The following ROBO2 variants were observed in gnomAD, a reference collection of about 807,000 sequenced individuals.
ROBO2 encodes roundabout homolog 2.
A neutral mutation model predicts 160.8 loss-of-function variants in ROBO2; 53 were observed. The observed-to-expected ratio is 0.33, with a 90% confidence interval of 0.26 to 0.41. The LOEUF (loss-of-function observed/expected upper bound fraction) is 0.41, where lower values mean the gene tolerates loss of function less well. ROBO2 is among the 10% of genes least tolerant of loss of function. ROBO2 has a pLI of 1.00. For missense variants in ROBO2, 1,577 were observed against 1,722.4 expected, an observed-to-expected ratio of 0.92 and a Z score of 1.49; for synonymous variants, 664 against 611.7, an observed-to-expected ratio of 1.09 and a Z score of -1.26.
intron 2 of ROBO2, chr3:76,434,607 G>T: frequency 6.5e-7 from 1 of 1,542,798 alleles, no homozygotes; most frequent in Non-Finnish European, 9.0e-7. Flanking sequence ...CATACCACTG[G>T]ACTGCCTGGA....
chr3:77,380,536 G>T (rs1254526182), intron 2 of ROBO2, among the ~76,000 whole-genome samples: 1 of 152,058 alleles, frequency 6.6e-6, no homozygotes, highest in Middle Eastern at 3.2e-3. Context: ...ATTAAAAGAC[G>T]GGATTTTTTT....
At chr3:76,250,384 G>A (rs1473297601) in intron 2 of ROBO2, among the ~76,000 whole-genome samples, 3 of 152,062 alleles carry the variant, frequency 2.0e-5, no homozygotes, top group African/African-American at 7.2e-5. Flanking sequence ...AATCAGATCT[G>A]TATCAACGAC....
At chr3:77,133,956 A>C (rs1316843370) in intron 2 of ROBO2, among the ~76,000 whole-genome samples, 1 of 152,190 alleles carries the variant, frequency 6.6e-6, no homozygotes, top group Non-Finnish European at 1.5e-5. Context: ...TATTTCCCAA[A>C]ATTGTATCAT....
At chr3:76,501,218 A>C (rs539082258) in intron 2 of ROBO2, among the ~76,000 whole-genome samples, 1 of 152,296 alleles carries the variant, frequency 6.6e-6, no homozygotes, top group African/African-American at 2.4e-5. Context: ...GTTCTTTCAA[A>C]GTTTGAAATA....
At chr3:77,530,330 A>G (rs1004120470) in intron 6 of ROBO2, among the ~76,000 whole-genome samples, 10 of 151,962 alleles carry the variant, frequency 6.6e-5, no homozygotes, top group African/African-American at 2.4e-4. Flanking sequence ...CCCTCACTAC[A>G]TTACTCACTG....
chr3:77,258,389 C>T (rs1047929280), intron 2 of ROBO2, among the ~76,000 whole-genome samples: 1 of 151,944 alleles, frequency 6.6e-6, no homozygotes, highest in Non-Finnish European at 1.5e-5. Flanking sequence ...TTGTATATTC[C>T]TCCCCAATAT....
At chr3:76,064,436 A>G (rs2068177953) in intron 2 of ROBO2, among the ~76,000 whole-genome samples, 1 of 152,094 alleles carries the variant, frequency 6.6e-6, no homozygotes, top group Admixed American at 6.6e-5. Flanking sequence ...GAACTAGCAT[A>G]ACCCTCATCC....
chr3:76,937,962 T>C (rs1468842396), intron 2 of ROBO2, among the ~76,000 whole-genome samples: 1 of 152,134 alleles, frequency 6.6e-6, no homozygotes, highest in Non-Finnish European at 1.5e-5. Context: ...AGGATTCAAG[T>C]AAAACACCAG....
At chr3:77,491,969 A>G (rs943594295) in intron 4 of ROBO2, among the ~76,000 whole-genome samples, 1 of 152,214 alleles carries the variant, frequency 6.6e-6, no homozygotes, top group Non-Finnish European at 1.5e-5. Context: ...GATTTAGTCA[A>G]TAAAATCAAA....
chr3:75,966,521 G>T (rs1292921341), intron 2 of ROBO2, among the ~76,000 whole-genome samples: 5 of 151,764 alleles, frequency 3.3e-5, no homozygotes, highest in Admixed American at 3.3e-4. Flanking sequence ...ATAAAATACA[G>T]ACTGTGGTGC....
chr3:77,553,889 TCAAG>T (rs1315176733), intron 8 of ROBO2, among the ~76,000 whole-genome samples: 5 of 29,640 alleles, frequency 1.7e-4, no homozygotes, highest in African/African-American at 7.0e-4. Flanking sequence ...GGAAGCTTTA[TCAAG>T]TTATTCAAGT....
chr3:77,085,336 T>G (rs2069168524), intron 1 of ROBO2, among the ~76,000 whole-genome samples: 1 of 152,166 alleles, frequency 6.6e-6, no homozygotes, highest in African/African-American at 2.4e-5. Context: ...TTCTATAATT[T>G]TGTAAACAGA....
intron 2 of ROBO2, among the ~76,000 whole-genome samples, chr3:76,494,929 G>A (rs1035912992): frequency 1.3e-5 from 2 of 152,140 alleles, no homozygotes; most frequent in African/African-American, 2.4e-5. Flanking sequence ...ATGGGTACAG[G>A]GTTTTCTTTT....
Position 77,237,183 on chromosome 3 carries a change from C to CTTT in ROBO2, c.388+138859_388+138861dup, listed in dbSNP as rs34992972. Among the ~76,000 whole-genome samples the CTTT allele has an allele frequency of 3.4e-3, 367 of 107,060 alleles. 1 individual carries two copies. The highest frequency in any genetic ancestry group is 7.2e-3 in the Middle Eastern group (1 of 138). 70.2% of individuals were successfully genotyped at this position (107,060 alleles called of 152,430 possible). A position where few individuals can be genotyped will look rare whatever the true frequency, so the allele number is the denominator to read the frequency against. The stretch of plus-strand genomic sequence containing the variant: ...CATCATGCCTGGCCACTTGACCTTT[C>CTTT]TTTTTTTTTTTTTTTTTTCATTTTT... On this transcript the variant is annotated intron_variant, in intron 2 of 25. Coordinates refer to ENST00000461745, the Ensembl canonical transcript of ROBO2.
chr3:76,917,478 C>T (rs529738995), intron 2 of ROBO2, among the ~76,000 whole-genome samples: 3 of 152,256 alleles, frequency 2.0e-5, no homozygotes, highest in African/African-American at 7.2e-5. Context: ...GAAAACTATT[C>T]AGTGGAATCA....
chr3:76,960,460 T>C (rs1436415865), intron 2 of ROBO2, among the ~76,000 whole-genome samples: 1 of 150,778 alleles, frequency 6.6e-6, no homozygotes, highest in East Asian at 1.9e-4. Context: ...TATATATATA[T>C]AGCATGTAAA....
At chr3:76,489,084 C>CAAAAAAAAAA (rs67454494) in intron 2 of ROBO2, among the ~76,000 whole-genome samples, 1 of 60,134 alleles carries the variant, frequency 1.7e-5, no homozygotes, top group Non-Finnish European at 3.2e-5. Context: ...GACTCTGTCT[C>CAAAAAAAAAA]AAAAAAAAAA....
intron 4 of ROBO2, among the ~76,000 whole-genome samples, chr3:77,488,981 T>C (rs990166541): frequency 2.0e-5 from 3 of 152,194 alleles, no homozygotes; most frequent in African/African-American, 7.2e-5. Flanking sequence ...TGGGTAATTA[T>C]GAAAATTGCA....
intron 2 of ROBO2, among the ~76,000 whole-genome samples, chr3:76,268,034 C>T (rs1205731972): frequency 6.6e-6 from 1 of 152,128 alleles, no homozygotes; most frequent in African/African-American, 2.4e-5. Context: ...ATACATGTTA[C>T]CAGTTACCAT....
Sources: allele counts gnomAD v4.1 joint callset (sites outside exome capture counted in the v4.1 genomes callset), GRCh38; gene constraint gnomAD v4.1.1; transcripts MANE v1.5; gene names NCBI Gene and HGNC (gene_info 2026-07-23, HGNC 2026-07-21).